NUBPL: variants seen among roughly 807,000 people sequenced by gnomAD.
The protein encoded by NUBPL is NUBP iron-sulfur cluster assembly factor, mitochondrial, also known as iron-sulfur cluster transfer protein NUBPL.
NUBPL carries 31 observed loss-of-function variants against 45.7 expected under a neutral mutation model. The observed-to-expected ratio is 0.68, with a 90% CI of 0.51 to 0.92. NUBPL has a LOEUF of 0.92. Ranked by LOEUF, NUBPL falls within the 40% of genes least tolerant of loss-of-function variation. NUBPL has a pLI of 0.00. For synonymous variants in NUBPL, 144 were observed against 140.9 expected (o/e 1.02, Z -0.15); for missense variants, 401 against 398.7 (o/e 1.01, Z -0.05).
At chr14:31,679,219 T>C (rs546775199) in intron 6 of NUBPL, among the ~76,000 whole-genome samples, 1 of 152,282 alleles carries the variant, frequency 6.6e-6, no homozygotes, top group South Asian at 2.1e-4. Context: ...CAGTGTGTCT[T>C]TCAGTAATAT....
chr14:31,626,382 C>T (rs1361404519), intron 4 of NUBPL, among the ~76,000 whole-genome samples: 1 of 152,080 alleles, frequency 6.6e-6, no homozygotes, highest in African/African-American at 2.4e-5. Context: ...TCAGGTGATC[C>T]GCCTGCCTTG....
intron 4 of NUBPL, among the ~76,000 whole-genome samples, chr14:31,638,759 C>T (rs2035587389): frequency 1.3e-5 from 2 of 152,146 alleles, no homozygotes; most frequent in South Asian, 4.1e-4. Context: ...TTCACATAGT[C>T]CCATATCTCT....
intron 3 of NUBPL, among the ~76,000 whole-genome samples, chr14:31,597,174 G>T (rs1380393752): frequency 1.3e-5 from 2 of 151,728 alleles, no homozygotes; most frequent in African/African-American, 4.9e-5. Context: ...GCAAGCATTG[G>T]TACTAAATTT....
At chr14:31,672,305 G>A (rs1014575517) in intron 4 of NUBPL, among the ~76,000 whole-genome samples, 1 of 144,676 alleles carries the variant, frequency 6.9e-6, no homozygotes, top group South Asian at 2.2e-4. Context: ...GTGTGTGTGT[G>A]TGCATGCAAA....
chr14:31,816,500 T>G (rs1042465006), intron 7 of NUBPL, among the ~76,000 whole-genome samples: 3 of 152,188 alleles, frequency 2.0e-5, no homozygotes, highest in Admixed American at 1.3e-4. Flanking sequence ...TCATGGATTT[T>G]TTGAGGAGTT....
chr14:31,574,737 A>G (rs2033678177), intron 3 of NUBPL, among the ~76,000 whole-genome samples: 1 of 149,656 alleles, frequency 6.7e-6, no homozygotes, highest in African/African-American at 2.5e-5. Flanking sequence ...TTACAGGCAC[A>G]TGCCCAGCTA....
intron 6 of NUBPL, among the ~76,000 whole-genome samples, chr14:31,769,914 A>G (rs1002148691): frequency 2.0e-5 from 3 of 152,154 alleles, no homozygotes; most frequent in Non-Finnish European, 4.4e-5. Context: ...TGTGACAAGA[A>G]TGATTAGAAT....
At chr14:31,747,375 G>A (rs1169940593) in intron 6 of NUBPL, among the ~76,000 whole-genome samples, 2 of 151,998 alleles carry the variant, frequency 1.3e-5, no homozygotes, top group African/African-American at 4.8e-5. Context: ...CTGACCTTGT[G>A]GTCCACCCGC....
At chr14:31,571,140 T>G (rs1340099205) in intron 3 of NUBPL, among the ~76,000 whole-genome samples, 5 of 152,200 alleles carry the variant, frequency 3.3e-5, no homozygotes, top group Admixed American at 3.3e-4. Flanking sequence ...ATTCTTCTAC[T>G]TGTCTACTGG....
intron 3 of NUBPL, among the ~76,000 whole-genome samples, chr14:31,593,266 C>A (rs2034191070): frequency 6.6e-6 from 1 of 152,100 alleles, no homozygotes; most frequent in Non-Finnish European, 1.5e-5. Context: ...GTAATCCCAG[C>A]ATTTTGGGAG....
chr14:31,646,464 A>G (rs911674001), intron 4 of NUBPL, among the ~76,000 whole-genome samples: 9 of 152,224 alleles, frequency 5.9e-5, no homozygotes, highest in Non-Finnish European at 1.0e-4. Flanking sequence ...CTGGGATTAC[A>G]GGCATGAGCC....
At chr14:31,753,007 G>A (rs183289647) in intron 6 of NUBPL, among the ~76,000 whole-genome samples, 15 of 152,228 alleles carry the variant, frequency 9.9e-5, no homozygotes, top group African/African-American at 3.4e-4. Context: ...ACAGCATGAG[G>A]GAACTGCCCC....
intron 6 of NUBPL, among the ~76,000 whole-genome samples, chr14:31,701,573 A>T (rs1275435077): frequency 1.3e-5 from 2 of 152,062 alleles, no homozygotes; most frequent in East Asian, 3.9e-4. Flanking sequence ...GAGCTGTAAC[A>T]CTCACTGCGA....
Position 31,672,650 on chromosome 14 carries a change from A to G in NUBPL, c.383-705A>G, listed in dbSNP as rs1465136765. Among the ~76,000 whole-genome samples, 4 of 152,172 alleles carry G rather than the reference A, an allele frequency of 2.6e-5. 1 individual carries two copies. In the South Asian group the frequency reaches 6.2e-4, roughly 24 times the overall value. ...GCTAATTTTTGTATTTTTAGTAGAG[A>G]CAGCATTTTACCATGTTGGCCAGGC... On this transcript the variant is annotated intron_variant, in intron 4 of 10. Transcript: ENST00000281081.
In NUBPL at chr14:31,649,799, A is replaced by G. The variant is rs553848000; in HGVS notation, c.383-23556A>G. 1.3e-3 allele frequency among the ~76,000 whole-genome samples: 193 copies of G among 152,342 alleles called. 3 individuals carry two copies. Among genetic ancestry groups the G allele is most frequent in the Middle Eastern group, 3.4e-3 (1 of 294 alleles). ...ATACTCTTTTTAATATTTGCATAGT[A>G]TCTTCCATTAGACTTTAACACCCTT... On this transcript the variant is annotated intron_variant, in intron 4 of 10. Coordinates refer to ENST00000281081, the MANE Select transcript of NUBPL (RefSeq NM_025152.3).
chr14:31,845,989 A>G (rs17098211), intron 8 of NUBPL: 27,943 of 179,470 alleles, frequency 0.16, 7,438 homozygotes, highest in African/African-American at 0.59. Context: ...CCTCAAATAC[A>G]TGGATGGTAT....
At chr14:31,603,034 G>C (rs2034487079) in intron 4 of NUBPL, among the ~76,000 whole-genome samples, 1 of 152,154 alleles carries the variant, frequency 6.6e-6, no homozygotes, top group East Asian at 1.9e-4. Flanking sequence ...AATTGGCTTG[G>C]CTTAGTGGCT....
intron 3 of NUBPL, among the ~76,000 whole-genome samples, chr14:31,583,713 G>A (rs969785432): frequency 1.3e-5 from 2 of 152,148 alleles, no homozygotes; most frequent in East Asian, 1.9e-4. Context: ...ATGTTAGAGT[G>A]GATACTGGAG....
intron 4 of NUBPL, among the ~76,000 whole-genome samples, chr14:31,634,438 A>G: frequency 6.6e-6 from 1 of 151,852 alleles, no homozygotes; most frequent in Non-Finnish European, 1.5e-5. Flanking sequence ...TTATGGCTGC[A>G]TAGTATTCCA....
Sources: gnomAD v4.1 joint callset for allele counts (sites outside exome capture counted in the v4.1 genomes callset) on GRCh38, gnomAD v4.1.1 for gene constraint, MANE v1.5 for transcripts, NCBI Gene and HGNC (gene_info 2026-07-23, HGNC 2026-07-21) for gene names.